The following HNRNPC variants were observed in gnomAD, a reference collection of about 807,000 sequenced individuals.
The protein encoded by HNRNPC is heterogeneous nuclear ribonucleoprotein C.
In HNRNPC, 3 loss-of-function variants were observed where a neutral mutation model predicts 33.2. That is an observed-to-expected ratio of 0.09 (90% confidence interval 0.04 to 0.23). The LOEUF (loss-of-function observed/expected upper bound fraction) is 0.23, where lower values mean the gene tolerates loss of function less well. Among genes scored for constraint, HNRNPC ranks in the 10% least tolerant of loss-of-function variants. The pLI is 1.00. For missense variants in HNRNPC, 143 were observed against 366.7 expected (o/e 0.39, Z 4.98); for synonymous variants, 121 against 126.7 (o/e 0.96, Z 0.30).
chr14:21,223,397 G>T (rs1893058244), intron 5 of HNRNPC, among the ~76,000 whole-genome samples: 1 of 152,016 alleles, frequency 6.6e-6, no homozygotes, highest in Non-Finnish European at 1.5e-5. Context: ...TACTAAACGA[G>T]TCTAGGACAC....
intron 2 of HNRNPC, among the ~76,000 whole-genome samples, chr14:21,255,691 T>C (rs962393357): frequency 1.3e-5 from 2 of 152,242 alleles, no homozygotes; most frequent in Non-Finnish European, 1.5e-5. Flanking sequence ...AAGCACATAG[T>C]ACACAAGTTT....
chr14:21,212,067 G>A (rs1355521863), intron 6 of HNRNPC, 144 bp from the exon 7 acceptor site: 5 of 648,204 alleles, frequency 7.7e-6, no homozygotes, highest in Non-Finnish European at 1.4e-5. Flanking sequence ...GGTAATAAAG[G>A]CCCTTGGTTC....
At chr14:21,265,314 C>T (rs1878794225) in intron 1 of HNRNPC, 2 of 152,212 alleles carry the variant, frequency 1.3e-5, no homozygotes, top group African/African-American at 4.8e-5. Flanking sequence ...TTTCAAGATA[C>T]ATAACTTTAT....
At chr14:21,221,843 C>A (rs1335252213) in intron 5 of HNRNPC, among the ~76,000 whole-genome samples, 4 of 151,862 alleles carry the variant, frequency 2.6e-5, no homozygotes, top group African/African-American at 9.7e-5. Context: ...GTCAGGAGAT[C>A]AAGACCATCC....
chr14:21,262,250 AAT>A (rs900914845), intron 2 of HNRNPC, among the ~76,000 whole-genome samples: 2 of 152,258 alleles, frequency 1.3e-5, no homozygotes, highest in Non-Finnish European at 2.9e-5. Flanking sequence ...AAACCCAAGG[AAT>A]ATGTTAAATG....
At chr14:21,231,885 T>C (rs927324468) in intron 3 of HNRNPC, among the ~76,000 whole-genome samples, 12 of 152,204 alleles carry the variant, frequency 7.9e-5, no homozygotes, top group African/African-American at 2.4e-4. Flanking sequence ...GAATGAAATA[T>C]ATTAAAATAT....
chr14:21,256,118 A>G (rs1219572859), intron 2 of HNRNPC, among the ~76,000 whole-genome samples: 2 of 152,214 alleles, frequency 1.3e-5, no homozygotes, highest in Non-Finnish European at 2.9e-5. Flanking sequence ...CAATGCTGAA[A>G]AAGGCAGCCA....
intron 5 of HNRNPC, among the ~76,000 whole-genome samples, chr14:21,218,012 G>C (rs916851493): frequency 6.6e-6 from 1 of 151,936 alleles, no homozygotes. Flanking sequence ...TCTGAAACTT[G>C]ACTGGATTCA....
intron 6 of HNRNPC, 147 bp from the exon 7 acceptor site, chr14:21,212,070 C>G: frequency 1.6e-6 from 1 of 640,508 alleles, no homozygotes; most frequent in Non-Finnish European, 2.7e-6. Context: ...AATAAAGGCC[C>G]TTGGTTCTAT....
intron 3 of HNRNPC, among the ~76,000 whole-genome samples, chr14:21,231,918 A>G (rs1894163136): frequency 6.6e-6 from 1 of 152,236 alleles, no homozygotes; most frequent in Non-Finnish European, 1.5e-5. Flanking sequence ...AAATTAACAT[A>G]GTGAAGTGTG....
chr14:21,239,795 A>T (rs900588054), intron 2 of HNRNPC, among the ~76,000 whole-genome samples: 17 of 151,876 alleles, frequency 1.1e-4, no homozygotes, highest in African/African-American at 4.1e-4. Flanking sequence ...AATCCCTTGA[A>T]CCCGTGAGGT....
chr14:21,267,123 A>AAAAAAAAAAAAAAAAAC (rs1566654263), intron 1 of HNRNPC, among the ~76,000 whole-genome samples: 1 of 122,536 alleles, frequency 8.2e-6, no homozygotes, highest in Non-Finnish European at 1.7e-5. Flanking sequence ...AAAAAAAAAA[A>AAAAAAAAAAAAAAAAAC]AAAACAAAAC....
intron 2 of HNRNPC, among the ~76,000 whole-genome samples, chr14:21,249,463 T>C (rs1425718176): frequency 6.6e-6 from 1 of 151,474 alleles, no homozygotes; most frequent in Non-Finnish European, 1.5e-5. Flanking sequence ...GGCACGTGCC[T>C]GTAATCCCAG....
chr14:21,212,186 T>C (rs1891684646), intron 6 of HNRNPC, among the ~76,000 whole-genome samples: 1 of 152,152 alleles, frequency 6.6e-6, no homozygotes, highest in Non-Finnish European at 1.5e-5. Flanking sequence ...ACACGTATGA[T>C]CACAGTGAAC....
chr14:21,228,616 A>C (rs2139610518), intron 5 of HNRNPC, among the ~76,000 whole-genome samples: 2 of 150,144 alleles, frequency 1.3e-5, no homozygotes, highest in African/African-American at 2.5e-5. Context: ...CTGGTCTTGA[A>C]CTCCTGACCT....
chr14:21,234,387 CA>C, intron 2 of HNRNPC, 158 bp from the exon 3 acceptor site: 1 of 560,912 alleles, frequency 1.8e-6, no homozygotes, highest in South Asian at 2.7e-5. Context: ...CTAATAATTT[CA>C]GAGACTCCAG....
intron 2 of HNRNPC, among the ~76,000 whole-genome samples, chr14:21,259,120 T>C (rs1352365321): frequency 2.0e-5 from 3 of 152,210 alleles, no homozygotes; most frequent in African/African-American, 4.8e-5. Flanking sequence ...TATGTATTCT[T>C]GGTAATTATT....
intron 5 of HNRNPC, 51 bp downstream of exon 5, chr14:21,230,268 T>C (rs1482514146): frequency 3.1e-6 from 4 of 1,302,278 alleles, no homozygotes; most frequent in South Asian, 2.5e-5. Context: ...AAGAACGAAA[T>C]GGTTCTCACT....
chr14:21,253,342 T>C (rs1010934829), intron 2 of HNRNPC, among the ~76,000 whole-genome samples: 1 of 147,988 alleles, frequency 6.8e-6, no homozygotes, highest in Non-Finnish European at 1.5e-5. Flanking sequence ...AAAAATTAGC[T>C]GGATGCCTGT....
Sources: gnomAD v4.1 joint callset for allele counts (sites outside exome capture counted in the v4.1 genomes callset) on GRCh38, gnomAD v4.1.1 for gene constraint, MANE v1.5 for transcripts, NCBI Gene and HGNC (gene_info 2026-07-23, HGNC 2026-07-21) for gene names.